PAX3: variants seen among roughly 807,000 people sequenced by gnomAD.
PAX3 encodes paired box protein Pax-3.
PAX3 carries 14 observed loss-of-function variants against 51.6 expected under a neutral mutation model. The observed-to-expected ratio is 0.27, with a 90% CI of 0.18 to 0.42. PAX3 has a LOEUF of 0.42. Among genes scored for constraint, PAX3 ranks in the 10% least tolerant of loss-of-function variants. The pLI is 1.00. For synonymous variants in PAX3, 280 were observed against 253.4 expected (o/e 1.11, Z -1.00); for missense variants, 540 against 642.8 (o/e 0.84, Z 1.73).
chr2:222,278,045 T>C (rs968167163), intron 4 of PAX3, among the ~76,000 whole-genome samples: 1 of 151,948 alleles, frequency 6.6e-6, no homozygotes, highest in Non-Finnish European at 1.5e-5. Context: ...CAATTAGTCT[T>C]CTTCCAGTGT....
intron 7 of PAX3, among the ~76,000 whole-genome samples, chr2:222,211,833 T>C (rs1284192669): frequency 6.6e-6 from 1 of 152,206 alleles, no homozygotes; most frequent in African/African-American, 2.4e-5. Flanking sequence ...TAATGTGCAC[T>C]CGTACACTGA....
chr2:222,216,729 G>C (rs74817276), intron 7 of PAX3, among the ~76,000 whole-genome samples: 51 of 141,196 alleles, frequency 3.6e-4, no homozygotes, highest in Middle Eastern at 3.5e-3. Flanking sequence ...CACACACAGA[G>C]AGAGAGAGAG....
At chr2:222,247,260 G>A (rs569535376) in intron 4 of PAX3, among the ~76,000 whole-genome samples, 1 of 152,300 alleles carries the variant, frequency 6.6e-6, no homozygotes, top group Non-Finnish European at 1.5e-5. Flanking sequence ...GTGAATGGCT[G>A]AGTTTAAGCC....
At position 222,297,143 on chromosome 2, in the gene PAX3, G is replaced by C. The variant is rs28945092; in HGVS notation, c.156C>G (p.Pro52=). 2.4e-3 allele frequency: 3,792 copies of C among 1,608,192 alleles called. 52 individuals are homozygous for C. In the African/African-American group the frequency reaches 0.03, roughly 13 times the overall value. ...GGVFINGRPL[P]NHIRHKIVEM... Reference sequence around the variant, plus strand: ...CCACGATCTTGTGGCGGATGTGGTTGGGCAGCGGCCTGCCGTTGATAAAAA... The same window carrying C: ...CCACGATCTTGTGGCGGATGTGGTTCGGCAGCGGCCTGCCGTTGATAAAAA... Residue 52 remains proline (P), a synonymous_variant, in exon 2 of 9, where the codon CCC becomes CCG. Transcript: ENST00000392070.
At chr2:222,209,783 T>TG (rs916234378) in intron 7 of PAX3, among the ~76,000 whole-genome samples, 7 of 138,764 alleles carry the variant, frequency 5.0e-5, no homozygotes, top group African/African-American at 1.1e-4. Flanking sequence ...TCCCAGCTAC[T>TG]GGGGGGCTAA....
chr2:222,231,976 T>C, intron 5 of PAX3, 102 bp downstream of exon 5: 2 of 1,024,874 alleles, frequency 2.0e-6, no homozygotes, highest in East Asian at 4.8e-5. Flanking sequence ...GGGCCATTCC[T>C]AATACATTTT....
At chr2:222,246,476 T>C (rs1454682662) in intron 4 of PAX3, among the ~76,000 whole-genome samples, 1 of 152,198 alleles carries the variant, frequency 6.6e-6, no homozygotes, top group Non-Finnish European at 1.5e-5. Flanking sequence ...CATTACATTA[T>C]AAAATAAAAT....
Position 222,215,755 on chromosome 2 carries a change from G to T in PAX3, c.1173+4385C>A, listed in dbSNP as rs868702118. Among the ~76,000 whole-genome samples the T allele has an allele frequency of 1.3e-4, 20 of 152,160 alleles. 1 individual carries two copies. In the Middle Eastern group the frequency reaches 0.017, roughly 129 times the overall value. ...AGGTGCTGGTAATGTACTCTCTGGG[G>T]ATGGAGGGGAAATAAATGGTCTGTA... On this transcript the variant is annotated intron_variant, in intron 7 of 8. Transcript: ENST00000392070.
chr2:222,216,817 C>A (rs369916310), intron 7 of PAX3, among the ~76,000 whole-genome samples: 11 of 152,216 alleles, frequency 7.2e-5, no homozygotes, highest in Non-Finnish European at 1.6e-4. Context: ...ATCATTCACA[C>A]ATACTCTAGC....
chr2:222,285,942 T>C (rs978094524), intron 4 of PAX3, among the ~76,000 whole-genome samples: 1 of 152,188 alleles, frequency 6.6e-6, no homozygotes, highest in Non-Finnish European at 1.5e-5. Flanking sequence ...TTTGATCAGC[T>C]ATTTTTTTTT....
chr2:222,261,601 CAA>C (rs61534527), intron 4 of PAX3, among the ~76,000 whole-genome samples: 33 of 109,090 alleles, frequency 3.0e-4, no homozygotes, highest in East Asian at 4.6e-4. Context: ...ACAACAACAA[CAA>C]AAAAAAAAAA....
chr2:222,279,317 G>GTGTGTT (rs889204617), intron 4 of PAX3, among the ~76,000 whole-genome samples: 4 of 151,084 alleles, frequency 2.6e-5, no homozygotes, highest in African/African-American at 9.7e-5. Context: ...GTGTGTGTGT[G>GTGTGTT]TGTGTGTGTG....
intron 4 of PAX3, among the ~76,000 whole-genome samples, chr2:222,234,903 A>T (rs1374406488): frequency 6.6e-6 from 1 of 152,210 alleles, no homozygotes; most frequent in East Asian, 1.9e-4. Context: ...TCCAGTTTCT[A>T]ACCTTTCTTT....
chr2:222,267,404 A>G (rs1252120772), intron 4 of PAX3, among the ~76,000 whole-genome samples: 1 of 152,212 alleles, frequency 6.6e-6, no homozygotes, highest in Admixed American at 6.5e-5. Flanking sequence ...CAGATATATG[A>G]CTTTTAGTCA....
At chr2:222,236,194 A>G (rs989096038) in intron 4 of PAX3, among the ~76,000 whole-genome samples, 12 of 152,216 alleles carry the variant, frequency 7.9e-5, no homozygotes, top group Non-Finnish European at 1.5e-5. Context: ...CATTCAATAG[A>G]AATAAAATTT....
In PAX3 at chr2:222,297,226, G is replaced by A. The variant is rs775468527; in HGVS notation, c.86-13C>T. 3.2e-6 allele frequency: 5 copies of A among 1,542,278 alleles called. No homozygotes were observed. The highest frequency in any genetic ancestry group is 3.5e-6 in the Non-Finnish European group (4 of 1,135,264). On this transcript the variant is annotated splice_polypyrimidine_tract_variant and intron_variant, in intron 1 of 8. Transcript: ENST00000392070. ...AGGGGAGTGGACACTGTGGGAAGGT[G>A]AAAAAGAGAAGCAAGGGAAAAGTCA...
chr2:222,298,560 T>C lies in PAX3; in HGVS notation c.56A>G (p.Asn19Ser), dbSNP rs1305782395. 2.5e-6 allele frequency: 4 copies of C among 1,607,564 alleles called. No homozygotes were observed. Among genetic ancestry groups the C allele is most frequent in the African/African-American group, 1.3e-5 (1 of 74,830 alleles). ...PRMMRPGPGQ[N>S]YPRSGFPLEV... ...CAGCGGGAACCCGCTACGCGGGTAGTTCTGCCCCGGGCCCGGCCGCATCAT... is the reference window on the plus strand; with the variant it reads ...CAGCGGGAACCCGCTACGCGGGTAGCTCTGCCCCGGGCCCGGCCGCATCAT... Residue 19 changes from asparagine to serine, a missense_variant, in exon 1 of 9, where the codon AAC becomes AGC. Asn to Ser is a conservative substitution (Grantham distance 46). Transcript: ENST00000392070.
In PAX3 at chr2:222,298,849, C is replaced by A. The variant is rs767029955; in HGVS notation, c.-234G>T. Reference sequence around the variant, plus strand: ...GCCCCGGAGTCCAGGATCCCGAGCCCAGGGCGGAAAAGTTTGGTACGAGTC... The same window carrying A: ...GCCCCGGAGTCCAGGATCCCGAGCCAAGGGCGGAAAAGTTTGGTACGAGTC... On this transcript the variant is annotated 5_prime_UTR_variant, in exon 1 of 9. Transcript: ENST00000392070. The A allele has an allele frequency of 4.7e-5, 28 of 591,544 alleles. No individual in the cohort carries two copies. Among genetic ancestry groups the A allele is most frequent in the African/African-American group, 1.9e-4 (10 of 53,724 alleles). 36.6% of individuals were successfully genotyped at this position (591,544 alleles called of 1,614,324 possible). A position where few individuals can be genotyped will look rare whatever the true frequency, so the allele number is the denominator to read the frequency against.
chr2:222,241,275 A>C (rs1693006217), intron 4 of PAX3, among the ~76,000 whole-genome samples: 1 of 152,196 alleles, frequency 6.6e-6, no homozygotes. Flanking sequence ...TATTGACCAT[A>C]TGTGCCACAA....
Sources: allele counts gnomAD v4.1 joint callset (sites outside exome capture counted in the v4.1 genomes callset), GRCh38; gene constraint gnomAD v4.1.1; transcripts MANE v1.5; gene names NCBI Gene and HGNC (gene_info 2026-07-23, HGNC 2026-07-21).